GRID2: variants seen among roughly 807,000 people sequenced by gnomAD.
GRID2 encodes glutamate receptor ionotropic, delta-2.
Under a neutral mutation model 114.8 loss-of-function variants are expected in GRID2, and 33 were observed. The observed-to-expected ratio is 0.29, with a 90% CI of 0.22 to 0.38. The LOEUF (loss-of-function observed/expected upper bound fraction) is 0.38. GRID2 is among the 10% of genes least tolerant of loss of function. GRID2 has a pLI of 1.00. For synonymous variants in GRID2, 505 were observed against 449.9 expected, an observed-to-expected ratio of 1.12 and a Z score of -1.55; for missense variants, 1,184 against 1,257.7, an observed-to-expected ratio of 0.94 and a Z score of 0.89.
intron 14 of GRID2, among the ~76,000 whole-genome samples, chr4:93,679,839 T>C (rs1363507690): frequency 1.3e-5 from 2 of 150,382 alleles, no homozygotes; most frequent in Admixed American, 6.6e-5. Context: ...AGATCCAAAA[T>C]TGACACCCTA....
intron 12 of GRID2, among the ~76,000 whole-genome samples, chr4:93,493,836 A>AT (rs936949492): frequency 4.0e-5 from 6 of 151,874 alleles, no homozygotes; most frequent in Non-Finnish European, 5.9e-5. Flanking sequence ...CTTTGCATTC[A>AT]TTTTTTTAAA....
intron 12 of GRID2, among the ~76,000 whole-genome samples, chr4:93,503,759 T>C (rs763749569): frequency 6.6e-6 from 1 of 152,080 alleles, no homozygotes; most frequent in Admixed American, 6.6e-5. Flanking sequence ...TTATTTTCCA[T>C]GTCCCTTCAG....
At chr4:93,376,472 A>G (rs139312162) in intron 8 of GRID2, among the ~76,000 whole-genome samples, 30 of 152,288 alleles carry the variant, frequency 2.0e-4, no homozygotes, top group Admixed American at 9.8e-4. Flanking sequence ...TTTGTGACAT[A>G]TAATTGAAGG....
chr4:92,947,676 A>T (rs528893267), intron 2 of GRID2, among the ~76,000 whole-genome samples: 27 of 151,746 alleles, frequency 1.8e-4, no homozygotes, highest in Non-Finnish European at 3.7e-4. Flanking sequence ...GCCTTCAAAT[A>T]GTCTTCAGAG....
intron 8 of GRID2, among the ~76,000 whole-genome samples, chr4:93,294,942 G>A (rs1305256693): frequency 2.6e-5 from 4 of 152,200 alleles, no homozygotes; most frequent in South Asian, 2.1e-4. Context: ...TTAATTTATC[G>A]GATAGGGTGT....
intron 8 of GRID2, among the ~76,000 whole-genome samples, chr4:93,323,527 C>T (rs557702233): frequency 1.3e-5 from 2 of 152,240 alleles, no homozygotes; most frequent in South Asian, 4.1e-4. Flanking sequence ...CTTGGCTATG[C>T]AGGCCCTTTT....
intron 2 of GRID2, among the ~76,000 whole-genome samples, chr4:92,711,068 C>T (rs960316597): frequency 5.3e-5 from 8 of 151,186 alleles, no homozygotes; most frequent in Non-Finnish European, 8.8e-5. Flanking sequence ...AGTGGTAATC[C>T]CACTATTAAA....
At chr4:93,784,071 C>CAAAAAAAAAA (rs70942993) in intron 1 of GRID2, among the ~76,000 whole-genome samples, 18 of 38,988 alleles carry the variant, frequency 4.6e-4, no homozygotes, top group African/African-American at 1.9e-3. Flanking sequence ...GACTCCGTCT[C>CAAAAAAAAAA]AAAAAAAAAA....
At chr4:93,443,135 C>T (rs28459987) in intron 10 of GRID2, among the ~76,000 whole-genome samples, 1 of 151,814 alleles carries the variant, frequency 6.6e-6, no homozygotes, top group Non-Finnish European at 1.5e-5. Context: ...AGCTACTGCT[C>T]TTTTTCCTAT....
At chr4:93,439,827 T>C (rs998881971) in intron 10 of GRID2, among the ~76,000 whole-genome samples, 9 of 151,990 alleles carry the variant, frequency 5.9e-5, no homozygotes, top group African/African-American at 2.2e-4. Flanking sequence ...GAGAGGGGCA[T>C]GCCAGGGGCA....
chr4:93,016,320 C>T (rs1722708041), intron 2 of GRID2, among the ~76,000 whole-genome samples: 1 of 152,098 alleles, frequency 6.6e-6, no homozygotes. Context: ...CCTCTGAACC[C>T]AGGGATTCGG....
chr4:92,504,147 A>C (rs1315191709), intron 1 of GRID2, among the ~76,000 whole-genome samples: 1 of 152,092 alleles, frequency 6.6e-6, no homozygotes, highest in Admixed American at 6.6e-5. Context: ...AGAAATTGGA[A>C]AAGTAATTTT....
At chr4:92,829,501 A>T (rs1252695934) in intron 2 of GRID2, among the ~76,000 whole-genome samples, 1 of 152,184 alleles carries the variant, frequency 6.6e-6, no homozygotes, top group East Asian at 1.9e-4. Flanking sequence ...AGTGTAAATT[A>T]GTTGAACCAT....
At chr4:93,352,680 T>A (rs1433659) in intron 8 of GRID2, among the ~76,000 whole-genome samples, 67,939 of 151,844 alleles carry the variant, frequency 0.45, 16,110 homozygotes, top group East Asian at 0.7. Flanking sequence ...ATGCATTCAA[T>A]TTCATTCTAG....
chr4:93,382,021 AG>A (rs1413282081), intron 8 of GRID2, among the ~76,000 whole-genome samples: 4 of 152,230 alleles, frequency 2.6e-5, no homozygotes, highest in Admixed American at 2.6e-4. Context: ...TGCCAGATAT[AG>A]GATTCTTGCT....
intron 13 of GRID2, among the ~76,000 whole-genome samples, chr4:93,533,476 T>C (rs930023318): frequency 6.6e-6 from 1 of 150,382 alleles, no homozygotes; most frequent in Non-Finnish European, 1.5e-5. Flanking sequence ...TGAGTTAAAG[T>C]GATTCTCCCA....
At chr4:93,736,861 C>CAAAA (rs11437016) in intron 14 of GRID2, among the ~76,000 whole-genome samples, 1 of 122,342 alleles carries the variant, frequency 8.2e-6, no homozygotes, top group Non-Finnish European at 1.7e-5. Context: ...CAGACTTGCT[C>CAAAA]AAAAAAAAAA....
chr4:92,714,619 G>A (rs935331653), intron 2 of GRID2, among the ~76,000 whole-genome samples: 14 of 152,130 alleles, frequency 9.2e-5, no homozygotes, highest in African/African-American at 3.4e-4. Flanking sequence ...CTGAAATCTA[G>A]GCAAAGGTTC....
At chr4:93,015,719 C>G (rs1010939807) in intron 2 of GRID2, among the ~76,000 whole-genome samples, 5 of 152,070 alleles carry the variant, frequency 3.3e-5, no homozygotes, top group African/African-American at 1.2e-4. Flanking sequence ...CTCCTAAACT[C>G]AAGCTCCTTT....
Sources: gnomAD v4.1 joint callset for allele counts (sites outside exome capture counted in the v4.1 genomes callset) on GRCh38, gnomAD v4.1.1 for gene constraint, MANE v1.5 for transcripts, NCBI Gene and HGNC (gene_info 2026-07-23, HGNC 2026-07-21) for gene names.